The following HEMK2 variants were observed in gnomAD, a reference collection of about 807,000 sequenced individuals.
The protein encoded by HEMK2 is methyltransferase HEMK2.
chr21:28,663,472 G>A, the HEMK2 span, among the ~76,000 whole-genome samples: 1 of 152,262 alleles, frequency 6.6e-6, no homozygotes, highest in African/African-American at 2.4e-5. Context: ...GCCAAATCCA[G>A]CCTGTGGGCC....
At chr21:28,638,617 T>C in the HEMK2 span, among the ~76,000 whole-genome samples, 3 of 152,084 alleles carry the variant, frequency 2.0e-5, no homozygotes, top group Middle Eastern at 3.2e-3. Flanking sequence ...AAAGAATGAA[T>C]AGTTAGCTCA....
the HEMK2 span, among the ~76,000 whole-genome samples, chr21:28,721,642 G>C: frequency 6.6e-6 from 1 of 152,004 alleles, no homozygotes; most frequent in African/African-American, 2.4e-5. Context: ...TAGTGAACTA[G>C]ACCACCATAT....
chr21:28,652,894 C>T, the HEMK2 span, among the ~76,000 whole-genome samples: 7 of 152,076 alleles, frequency 4.6e-5, no homozygotes, highest in African/African-American at 7.2e-5. Context: ...CCCACGAGTG[C>T]CATGACAGTT....
the HEMK2 span, among the ~76,000 whole-genome samples, chr21:28,792,164 G>A: frequency 4.6e-5 from 7 of 151,988 alleles, no homozygotes; most frequent in African/African-American, 1.4e-4. Flanking sequence ...GGAAATGCCC[G>A]CCCCTTTCCT....
At chr21:28,588,417 G>T in the HEMK2 span, among the ~76,000 whole-genome samples, 91 of 152,236 alleles carry the variant, frequency 6.0e-4, 1 homozygote, top group African/African-American at 2.1e-3. Context: ...CCACCTGATT[G>T]ATCCAGGACA....
chr21:28,607,147 A>C, the HEMK2 span, among the ~76,000 whole-genome samples: 1 of 152,182 alleles, frequency 6.6e-6, no homozygotes, highest in Non-Finnish European at 1.5e-5. Context: ...GCAGTGGTTC[A>C]TGCCTGTAAT....
chr21:28,694,997 CAAA>C, the HEMK2 span, among the ~76,000 whole-genome samples: 6 of 110,044 alleles, frequency 5.5e-5, no homozygotes, highest in Non-Finnish European at 7.7e-5. Context: ...GACTCTGTCT[CAAA>C]AAAAAAAAAA....
the HEMK2 span, among the ~76,000 whole-genome samples, chr21:28,839,000 TACATATATATAC>T: frequency 0.055 from 3,178 of 57,810 alleles, 144 homozygotes; most frequent in East Asian, 0.09. Context: ...TATATATATA[TACATATATATAC>T]ACAATCTGCC....
the HEMK2 span, among the ~76,000 whole-genome samples, chr21:28,869,660 T>C: frequency 1.3e-5 from 2 of 152,148 alleles, no homozygotes; most frequent in Non-Finnish European, 2.9e-5. Context: ...GACTTAGAGG[T>C]TACAGGCTGA....
chr21:28,620,582 A>G, the HEMK2 span, among the ~76,000 whole-genome samples: 118 of 146,936 alleles, frequency 8.0e-4, no homozygotes, highest in Non-Finnish European at 1.5e-3. Flanking sequence ...CTCTAATGGT[A>G]GCTTGTATTT....
chr21:28,642,712 G>C, the HEMK2 span, among the ~76,000 whole-genome samples: 1 of 152,198 alleles, frequency 6.6e-6, no homozygotes, highest in Admixed American at 6.5e-5. Context: ...CTGAAGCCCA[G>C]CCATCTCCGG....
the HEMK2 span, among the ~76,000 whole-genome samples, chr21:28,736,780 A>G: frequency 0.23 from 34,360 of 149,228 alleles, 4,590 homozygotes; most frequent in African/African-American, 0.36. Context: ...TGCTGTCTGT[A>G]TTTGGATACA....
the HEMK2 span, among the ~76,000 whole-genome samples, chr21:28,657,558 C>T: frequency 6.6e-6 from 1 of 152,128 alleles, no homozygotes; most frequent in South Asian, 2.1e-4. Flanking sequence ...ACAACAACAC[C>T]ATGAAAATTG....
the HEMK2 span, among the ~76,000 whole-genome samples, chr21:28,881,345 T>G: frequency 1.3e-5 from 2 of 152,190 alleles, no homozygotes; most frequent in African/African-American, 4.8e-5. Flanking sequence ...CATCTCCACA[T>G]TCAAATCTCC....
At chr21:28,687,697 T>A in the HEMK2 span, among the ~76,000 whole-genome samples, 1 of 152,192 alleles carries the variant, frequency 6.6e-6, no homozygotes, top group Non-Finnish European at 1.5e-5. Context: ...ACCTTTTTTG[T>A]TGTTAAATTT....
At chr21:28,695,401 C>A in the HEMK2 span, among the ~76,000 whole-genome samples, 2 of 152,048 alleles carry the variant, frequency 1.3e-5, no homozygotes, top group Admixed American at 6.5e-5. Context: ...TAAAGACATA[C>A]CCAAGACTGG....
the HEMK2 span, among the ~76,000 whole-genome samples, chr21:28,621,931 C>T: frequency 2.0e-5 from 3 of 152,278 alleles, no homozygotes; most frequent in African/African-American, 7.2e-5. Flanking sequence ...CATTATGTAA[C>T]GCCCTTCTTC....
the HEMK2 span, among the ~76,000 whole-genome samples, chr21:28,803,182 G>A: frequency 6.6e-6 from 1 of 152,130 alleles, no homozygotes; most frequent in Admixed American, 6.6e-5. Context: ...AGAAGTCTTG[G>A]AAAAAATCAT....
the HEMK2 span, among the ~76,000 whole-genome samples, chr21:28,714,013 C>A: frequency 6.6e-6 from 1 of 152,206 alleles, no homozygotes; most frequent in African/African-American, 2.4e-5. Flanking sequence ...CTGGCTTGAG[C>A]AGACGCTCCT....
Sources: gnomAD v4.1 joint callset for allele counts (sites outside exome capture counted in the v4.1 genomes callset) on GRCh38, gnomAD v4.1.1 for gene constraint, MANE v1.5 for transcripts, NCBI Gene and HGNC (gene_info 2026-07-23, HGNC 2026-07-21) for gene names.